The following DSCAM variants were observed in gnomAD, a reference collection of about 807,000 sequenced individuals.
DSCAM encodes DS cell adhesion molecule.
Under a neutral mutation model 217.7 loss-of-function variants are expected in DSCAM, and 47 were observed. The ratio of observed to expected loss-of-function variants is 0.22; its 90% CI spans 0.17 to 0.28. The LOEUF is 0.28. DSCAM is among the 10% of genes least tolerant of loss of function. The probability of loss-of-function intolerance (pLI) is 1.00; values close to 1 mark genes in which losing one functional copy is unlikely to be tolerated. For missense variants in DSCAM, 2,080 were observed against 2,618.3 expected (o/e 0.79, Z 4.49); for synonymous variants, 1,056 against 1,015.3 (o/e 1.04, Z -0.76).
intron 20 of DSCAM, among the ~76,000 whole-genome samples, chr21:40,112,992 G>A (rs893941227): frequency 1.3e-5 from 2 of 152,186 alleles, no homozygotes; most frequent in African/African-American, 4.8e-5. Flanking sequence ...GAGGTACAAG[G>A]AGGAGCTGGT....
chr21:40,742,847 TATC>T (rs772047839), intron 1 of DSCAM, among the ~76,000 whole-genome samples: 28 of 152,186 alleles, frequency 1.8e-4, no homozygotes, highest in Non-Finnish European at 3.1e-4. Flanking sequence ...TTATTGTCAA[TATC>T]ATCATCATCC....
intron 32 of DSCAM, among the ~76,000 whole-genome samples, chr21:40,019,855 C>T (rs2088229865): frequency 6.6e-6 from 1 of 152,198 alleles, no homozygotes; most frequent in Non-Finnish European, 1.5e-5. Flanking sequence ...CAATGATTTC[C>T]ATACTCTATG....
At chr21:40,583,871 G>T (rs73902690) in intron 3 of DSCAM, among the ~76,000 whole-genome samples, 3,299 of 144,650 alleles carry the variant, frequency 0.023, 119 homozygotes, top group African/African-American at 0.079. Context: ...CGGTTTTGCT[G>T]TGAAATGAAA....
In DSCAM at chr21:40,144,724, T is replaced by C. The variant is rs752380034; in HGVS notation, c.3026A>G (p.Lys1009Arg). 6.2e-7 allele frequency: 1 copy of C among 1,614,190 alleles called. No homozygotes were observed. Among genetic ancestry groups the C allele is most frequent in the Non-Finnish European group, 8.5e-7 (1 of 1,180,038 alleles). The change falls in exon 17 of 33, where the codon AAG becomes AGG. Residue 1009 changes from lysine to arginine, a missense_variant. Physicochemically the swap from Lys to Arg is conservative, Grantham distance 26 (BLOSUM62 2). Around this residue, in one of 5 missense-constraint regions of DSCAM, gnomAD observed 1,144 missense variants for 1,421.1 expected, o/e 0.81. Coordinates refer to ENST00000400454, the MANE Select transcript of DSCAM (RefSeq NM_001389.5). The surrounding 1 kb of genome is among the most constrained non-coding windows in gnomAD (Gnocchi z 4.8). ...GATAATCCCATTTTGCAAATGTTTC[T>C]TGGGAGCCTAAACAGGAGAGAAAAG... ...QSIRVTWKAP[K>R]KHLQNGIIRG...
intron 1 of DSCAM, among the ~76,000 whole-genome samples, chr21:40,761,371 ATCTC>A (rs144113563): frequency 1.3e-5 from 2 of 150,994 alleles, no homozygotes; most frequent in African/African-American, 2.4e-5. Context: ...ACAACATAGC[ATCTC>A]TCTCTCTCTC....
rs752529916 is a variant in DSCAM at position 40,296,045 on chromosome 21, A to G, written c.2182+10T>C. The G allele has an allele frequency of 3.7e-6, 6 of 1,611,064 alleles. No homozygotes were observed. The highest frequency in any genetic ancestry group is 4.2e-6 in the Non-Finnish European group (5 of 1,179,050). Reference sequence around the variant, plus strand: ...TTGACAGGTAACAAGTAGATCAAGTAACTCCATACCTTTAGAGAATTTCCA... The same window carrying G: ...TTGACAGGTAACAAGTAGATCAAGTGACTCCATACCTTTAGAGAATTTCCA... On this transcript the variant is annotated intron_variant, in intron 10 of 32. Transcript: ENST00000400454.
chr21:40,397,356 G>A lies in DSCAM; in HGVS notation c.509-28111C>T, dbSNP rs567246154. Among the ~76,000 whole-genome samples, 5 of 152,038 alleles carry A rather than the reference G, an allele frequency of 3.3e-5. No homozygotes were observed. In the South Asian group the frequency reaches 1.0e-3, roughly 32 times the overall value. On this transcript the variant is annotated intron_variant, in intron 3 of 32. Transcript: ENST00000400454. ...GTGCTCTTGCTCTGAGTTCACACGA[G>A]ATCTTGTCATTTAAAAGTGTGTGGC...
intron 1 of DSCAM, among the ~76,000 whole-genome samples, chr21:40,785,964 CAG>C (rs1180991312): frequency 6.6e-6 from 1 of 152,190 alleles, no homozygotes; most frequent in Non-Finnish European, 1.5e-5. Flanking sequence ...TGGCCGGACA[CAG>C]TGGCTCATGC....
At chr21:40,424,165 A>C (rs1031580015) in intron 3 of DSCAM, among the ~76,000 whole-genome samples, 7 of 152,280 alleles carry the variant, frequency 4.6e-5, no homozygotes, top group Non-Finnish European at 1.0e-4. Context: ...TTTAAAACAG[A>C]TTTCTTTTAT....
chr21:40,747,507 A>T (rs2091186930), intron 1 of DSCAM, among the ~76,000 whole-genome samples: 1 of 151,886 alleles, frequency 6.6e-6, no homozygotes, highest in South Asian at 2.1e-4. Flanking sequence ...TAAATCATGA[A>T]GAAATAGAAA....
Position 40,574,003 on chromosome 21 carries a change from T to C in DSCAM, c.508+118807A>G, listed in dbSNP as rs966051650. Among the ~76,000 whole-genome samples the C allele has an allele frequency of 5.6e-5, 8 of 141,872 alleles. 1 individual carries two copies. The highest frequency in any genetic ancestry group is 1.2e-4 in the Non-Finnish European group (8 of 64,950). The allele number at this position is 141,872 out of a possible 152,430, so 93.1% of individuals were successfully genotyped here. A position where few individuals can be genotyped will look rare whatever the true frequency, so the allele number is the denominator to read the frequency against. ...TGTAATCAGAAGCCTTCCCATAAAA[T>C]AAAACAAAAACATAAAAGAAAAAAC... is the stretch of plus-strand genomic sequence containing the variant. On this transcript the variant is annotated intron_variant, in intron 3 of 32. Transcript: ENST00000400454.
intron 11 of DSCAM, among the ~76,000 whole-genome samples, chr21:40,248,961 T>G (rs990571243): frequency 2.0e-5 from 3 of 152,132 alleles, no homozygotes; most frequent in African/African-American, 7.2e-5. Flanking sequence ...AAACCCCTGA[T>G]AAACCCATCA....
intron 3 of DSCAM, among the ~76,000 whole-genome samples, chr21:40,386,488 C>G (rs565209084): frequency 3.3e-5 from 5 of 152,180 alleles, no homozygotes. Context: ...GGAGAACACT[C>G]GGTGCCCCCT....
At chr21:40,191,755 C>T (rs2090954821) in intron 11 of DSCAM, among the ~76,000 whole-genome samples, 1 of 152,182 alleles carries the variant, frequency 6.6e-6, no homozygotes, top group African/African-American at 2.4e-5. Context: ...GAGGAAGACC[C>T]TTCCTTGCCT....
At chr21:40,073,386 T>C (rs1439887714) in intron 27 of DSCAM, among the ~76,000 whole-genome samples, 1 of 152,208 alleles carries the variant, frequency 6.6e-6, no homozygotes, top group African/African-American at 2.4e-5. Context: ...TAAATGCAAG[T>C]AGTTAGACAT....
intron 3 of DSCAM, among the ~76,000 whole-genome samples, chr21:40,665,680 T>A (rs1324828694): frequency 6.6e-6 from 1 of 152,200 alleles, no homozygotes; most frequent in Non-Finnish European, 1.5e-5. Context: ...CATAGGCCCA[T>A]GAGCACAGAC....
chr21:40,174,800 C>T (rs562474483), intron 15 of DSCAM, among the ~76,000 whole-genome samples: 4 of 152,300 alleles, frequency 2.6e-5, no homozygotes, highest in South Asian at 4.1e-4. Context: ...TTAAAAGTTT[C>T]GCACAACACT....
At chr21:40,087,358 C>T in intron 21 of DSCAM, 71 bp from the exon 22 acceptor site, 2 of 1,168,074 alleles carry the variant, frequency 1.7e-6, no homozygotes, top group Non-Finnish European at 2.6e-6. Context: ...ACATGACCTA[C>T]TCAATAAGGG....
intron 1 of DSCAM, among the ~76,000 whole-genome samples, chr21:40,792,161 G>A (rs1419664990): frequency 9.6e-6 from 1 of 104,336 alleles, no homozygotes; most frequent in Non-Finnish European, 1.8e-5. Context: ...TTTTTTTTGA[G>A]ACAGAGTCTC....
Sources: gnomAD v4.1 joint callset for allele counts (sites outside exome capture counted in the v4.1 genomes callset) on GRCh38, gnomAD v4.1.1 for gene constraint, gnomAD v4.1.1 regional missense constraint, Gnocchi (gnomAD v3.1) non-coding constraint, MANE v1.5 for transcripts, NCBI Gene and HGNC (gene_info 2026-07-23, HGNC 2026-07-21) for gene names.